Variants in FRMD5 observed in about 807,000 individuals in gnomAD.
FRMD5 encodes FERM domain-containing protein 5.
A neutral mutation model predicts 69.0 loss-of-function variants in FRMD5; 20 were observed. The ratio of observed to expected loss-of-function variants is 0.29; its 90% CI spans 0.20 to 0.42. The LOEUF is 0.42. Among genes scored for constraint, FRMD5 ranks in the 10% least tolerant of loss-of-function variants. The probability of loss-of-function intolerance (pLI) is 1.00; values close to 1 mark genes in which losing one functional copy is unlikely to be tolerated. For synonymous variants in FRMD5, 271 were observed against 260.1 expected, an observed-to-expected ratio of 1.04 and a Z score of -0.40; for missense variants, 595 against 708.6, an observed-to-expected ratio of 0.84 and a Z score of 1.82.
intron 1 of FRMD5, among the ~76,000 whole-genome samples, chr15:44,161,287 G>A (rs747096475): frequency 6.6e-6 from 1 of 152,146 alleles, no homozygotes; most frequent in Non-Finnish European, 1.5e-5. Flanking sequence ...CTCTAACCAT[G>A]CTCATCTTGA....
intron 8 of FRMD5, 24 bp downstream of exon 8, chr15:43,891,957 T>A: frequency 6.3e-7 from 1 of 1,598,578 alleles, no homozygotes. Context: ...ATAAAGAGCC[T>A]ATTTTGGAAA....
chr15:44,143,147 A>G (rs1191569522), intron 1 of FRMD5, among the ~76,000 whole-genome samples: 2 of 152,190 alleles, frequency 1.3e-5, no homozygotes, highest in African/African-American at 4.8e-5. Context: ...CAAAATCCAG[A>G]TAAGTTATAA....
At position 43,992,308 on chromosome 15, in the gene FRMD5, T is replaced by C. The variant is rs138005915; in HGVS notation, c.103-67999A>G. Among the ~76,000 whole-genome samples the C allele has an allele frequency of 3.5e-3, 534 of 152,150 alleles. 5 individuals are homozygous for C. Among genetic ancestry groups the C allele is most frequent in the African/African-American group, 0.012 (505 of 41,518 alleles). ...GTTGGTGGTTGGGCATTCCTGAATA[T>C]GTCCAAATATTTACTGATGAGAAGG... On this transcript the variant is annotated intron_variant, in intron 1 of 13. Coordinates refer to ENST00000417257, the MANE Select transcript of FRMD5 (RefSeq NM_032892.5).
At chr15:43,895,351 C>T (rs1414340987) in intron 7 of FRMD5, among the ~76,000 whole-genome samples, 2 of 152,252 alleles carry the variant, frequency 1.3e-5, no homozygotes, top group East Asian at 3.9e-4. Flanking sequence ...GTCAGAGATC[C>T]GCCAGAGTCC....
chr15:43,962,624 C>T (rs1184023535), intron 1 of FRMD5, among the ~76,000 whole-genome samples: 1 of 152,196 alleles, frequency 6.6e-6, no homozygotes, highest in Non-Finnish European at 1.5e-5. Context: ...AAGAACAAAG[C>T]TGGAGGCATC....
chr15:43,877,455 T>G (rs896417233), intron 13 of FRMD5, among the ~76,000 whole-genome samples: 1 of 152,222 alleles, frequency 6.6e-6, no homozygotes, highest in African/African-American at 2.4e-5. Flanking sequence ...CTTGGCCGTT[T>G]GCACCCAGGC....
chr15:44,184,576 C>A (rs576719800), intron 1 of FRMD5, among the ~76,000 whole-genome samples: 1 of 152,262 alleles, frequency 6.6e-6, no homozygotes, highest in South Asian at 2.1e-4. Flanking sequence ...GTGACCATCA[C>A]ACAAAGAATC....
At chr15:44,051,106 T>G (rs1438518044) in intron 1 of FRMD5, among the ~76,000 whole-genome samples, 1 of 150,754 alleles carries the variant, frequency 6.6e-6, no homozygotes, top group East Asian at 2.0e-4. Context: ...TCTTTTCATC[T>G]TTCACCTCCT....
At chr15:43,989,462 C>CT in intron 1 of FRMD5, 1 of 810,210 alleles carries the variant, frequency 1.2e-6, no homozygotes, top group Non-Finnish European at 2.2e-6. Flanking sequence ...CGTCGGGCAG[C>CT]TTGTAGCTAT....
At chr15:43,984,792 T>C (rs1014350501) in intron 1 of FRMD5, among the ~76,000 whole-genome samples, 2 of 151,998 alleles carry the variant, frequency 1.3e-5, no homozygotes, top group Non-Finnish European at 2.9e-5. Flanking sequence ...AAGACTAGCC[T>C]GGCCAACATG....
chr15:44,162,503 A>G (rs1362415555), intron 1 of FRMD5, among the ~76,000 whole-genome samples: 2 of 151,936 alleles, frequency 1.3e-5, no homozygotes, highest in African/African-American at 4.8e-5. Context: ...CCAATTTTGT[A>G]TTTCTATTGG....
chr15:44,175,618 C>A (rs2077881185), intron 1 of FRMD5, among the ~76,000 whole-genome samples: 1 of 151,918 alleles, frequency 6.6e-6, no homozygotes, highest in Non-Finnish European at 1.5e-5. Context: ...TAGGTATATA[C>A]CTAAGTAAAA....
intron 1 of FRMD5, among the ~76,000 whole-genome samples, chr15:43,981,285 A>G (rs879934675): frequency 6.6e-6 from 1 of 152,190 alleles, no homozygotes; most frequent in Non-Finnish European, 1.5e-5. Context: ...TGTATGTGTG[A>G]CATCCTGTAT....
chr15:44,093,346 C>CAA (rs145523304), intron 1 of FRMD5, among the ~76,000 whole-genome samples: 3 of 140,352 alleles, frequency 2.1e-5, no homozygotes, highest in East Asian at 4.2e-4. Context: ...TCCTTCAGGA[C>CAA]AAAAAAAAAA....
chr15:44,069,048 A>T (rs1223016199), intron 1 of FRMD5, among the ~76,000 whole-genome samples: 3 of 152,214 alleles, frequency 2.0e-5, no homozygotes, highest in African/African-American at 2.4e-5. Flanking sequence ...ACCAAAGAGG[A>T]TATACTGATG....
At chr15:44,113,476 G>T (rs992173691) in intron 1 of FRMD5, among the ~76,000 whole-genome samples, 1 of 152,154 alleles carries the variant, frequency 6.6e-6, no homozygotes, top group Non-Finnish European at 1.5e-5. Context: ...TACATGATAT[G>T]AGCATGCAAT....
Position 43,888,932 on chromosome 15 carries a change from C to A in FRMD5, c.729-60G>T, listed in dbSNP as rs913766834. 2.8e-6 allele frequency: 4 copies of A among 1,449,670 alleles called. No individual in the cohort carries two copies. In the African/African-American group the frequency reaches 5.6e-5, roughly 20 times the overall value. The allele number at this position is 1,449,670 out of a possible 1,614,324, so 89.8% of individuals were successfully genotyped here. A position where few individuals can be genotyped will look rare whatever the true frequency, so the allele number is the denominator to read the frequency against. On this transcript the variant is annotated intron_variant, in intron 8 of 13. Transcript: ENST00000417257. The stretch of plus-strand genomic sequence containing the variant: ...GTGGGCTGCTTGTTCACAGCTAAAT[C>A]TTGTAGATGCACAGCCCACCCCAAC...
intron 1 of FRMD5, among the ~76,000 whole-genome samples, chr15:44,113,509 A>T (rs2076828106): frequency 6.6e-6 from 1 of 152,212 alleles, no homozygotes; most frequent in Non-Finnish European, 1.5e-5. Flanking sequence ...TATTATGGTA[A>T]ATGGGGTATT....
At chr15:43,937,550 A>G (rs1442713509) in intron 1 of FRMD5, among the ~76,000 whole-genome samples, 1 of 151,590 alleles carries the variant, frequency 6.6e-6, no homozygotes, top group Non-Finnish European at 1.5e-5. Flanking sequence ...AGGCAGGAGA[A>G]TCGCTTGAAC....
Sources: gnomAD v4.1 joint callset for allele counts (sites outside exome capture counted in the v4.1 genomes callset) on GRCh38, gnomAD v4.1.1 for gene constraint, MANE v1.5 for transcripts, NCBI Gene and HGNC (gene_info 2026-07-23, HGNC 2026-07-21) for gene names.